Variants in PID1 observed in about 807,000 individuals in gnomAD.
The protein encoded by PID1 is phosphotyrosine interaction domain containing 1.
In PID1, 10 loss-of-function variants were observed where a neutral mutation model predicts 19.1. The ratio of observed to expected loss-of-function variants is 0.52; its 90% CI spans 0.32 to 0.89. The LOEUF (loss-of-function observed/expected upper bound fraction) is 0.89, where lower values mean the gene tolerates loss of function less well. Among genes scored for constraint, PID1 ranks in the 40% least tolerant of loss-of-function variants. The pLI is 0.03. For missense variants in PID1, 248 were observed against 285.3 expected (o/e 0.87, Z 0.94); for synonymous variants, 130 against 116.0 (o/e 1.12, Z -0.78).
At chr2:229,059,509 A>G (rs985566361) in intron 2 of PID1, among the ~76,000 whole-genome samples, 4 of 152,208 alleles carry the variant, frequency 2.6e-5, no homozygotes, top group African/African-American at 9.6e-5. Flanking sequence ...AGTATCAGAA[A>G]AGCAAACTGA....
At chr2:229,161,899 G>A (rs1690499365) in intron 1 of PID1, among the ~76,000 whole-genome samples, 1 of 152,160 alleles carries the variant, frequency 6.6e-6, no homozygotes. Context: ...TATTAGCCAT[G>A]TCAAAAACAG....
chr2:229,231,895 T>C lies in PID1; in HGVS notation c.30+39119A>G, dbSNP rs993249074. ...ACGAAATACCACAGAGTAGATAATTTATAAAAAAAAACAGAAATTGATTTT... is the reference window on the plus strand; with the variant it reads ...ACGAAATACCACAGAGTAGATAATTCATAAAAAAAAACAGAAATTGATTTT... On this transcript the variant is annotated intron_variant, in intron 1 of 2. Coordinates refer to ENST00000392055, the MANE Select transcript of PID1 (RefSeq NM_001100818.2). The C allele has an allele frequency of 2.6e-6, 4 of 1,549,450 alleles. No individual in the cohort carries two copies. In the Admixed American group the frequency reaches 7.9e-5, roughly 30 times the overall value.
chr2:229,031,953 A>G (rs1181050838), intron 2 of PID1, among the ~76,000 whole-genome samples: 1 of 152,184 alleles, frequency 6.6e-6, no homozygotes, highest in Non-Finnish European at 1.5e-5. Context: ...CTTTTTTCAA[A>G]AAGTGAACTT....
chr2:229,197,178 C>A (rs376865125), intron 1 of PID1, among the ~76,000 whole-genome samples: 1 of 151,992 alleles, frequency 6.6e-6, no homozygotes, highest in Non-Finnish European at 1.5e-5. Context: ...AAGCCACTTT[C>A]CATAACTGAG....
chr2:229,216,358 T>C (rs1691846068), intron 1 of PID1, among the ~76,000 whole-genome samples: 2 of 152,174 alleles, frequency 1.3e-5, no homozygotes, highest in East Asian at 1.9e-4. Context: ...AGTCTGCTTC[T>C]CACCTCCAAC....
chr2:229,183,157 A>G (rs1252899878), intron 1 of PID1, among the ~76,000 whole-genome samples: 1 of 152,210 alleles, frequency 6.6e-6, no homozygotes, highest in Non-Finnish European at 1.5e-5. Context: ...ATTTGAACAC[A>G]GAGACGCATG....
chr2:229,031,792 C>T (rs138225292), intron 2 of PID1, among the ~76,000 whole-genome samples: 2 of 152,260 alleles, frequency 1.3e-5, no homozygotes, highest in East Asian at 1.9e-4. Context: ...GCCCAAGTTC[C>T]GGAATCCTGA....
intron 2 of PID1, among the ~76,000 whole-genome samples, chr2:229,096,966 A>T (rs1471033672): frequency 1.3e-5 from 2 of 152,182 alleles, no homozygotes; most frequent in African/African-American, 4.8e-5. Flanking sequence ...AGAAAGCTCC[A>T]GCACTGGGAA....
chr2:229,024,058 G>T lies in PID1; in HGVS notation c.*1574C>A, dbSNP rs1413617623. 1.3e-5 allele frequency: 2 copies of T among 152,572 alleles called. No individual in the cohort carries two copies. Among genetic ancestry groups the T allele is most frequent in the East Asian group, 3.8e-4 (2 of 5,202 alleles). The allele number at this position is 152,572 out of a possible 1,614,324, so 9.5% of individuals were successfully genotyped here. A position where few individuals can be genotyped will look rare whatever the true frequency, so the allele number is the denominator to read the frequency against. ...TGCTAAAGAATAGCTTACATATGTT[G>T]TAAAGCAACAAGCATATCTTCAAGA... is the stretch of plus-strand genomic sequence containing the variant. On this transcript the variant is annotated 3_prime_UTR_variant, in exon 3 of 3. Coordinates refer to ENST00000392055, the MANE Select transcript of PID1 (RefSeq NM_001100818.2).
chr2:229,206,879 C>A (rs1356565732), intron 1 of PID1, among the ~76,000 whole-genome samples: 1 of 152,100 alleles, frequency 6.6e-6, no homozygotes, highest in Admixed American at 6.5e-5. Flanking sequence ...ATAGGAATCA[C>A]CGAGGGATTT....
rs535760534 is a variant in PID1, at chr2:229,027,114, C to T, written c.178-1006G>A. On this transcript the variant is annotated intron_variant, in intron 2 of 2. Coordinates refer to ENST00000392055, the MANE Select transcript of PID1 (RefSeq NM_001100818.2). Reference sequence around the variant, plus strand: ...AGACCAGAAGAGGGTCCGTGGAAACCGTGAGAACTGAGAGGGGACATTTGG... The same window carrying T: ...AGACCAGAAGAGGGTCCGTGGAAACTGTGAGAACTGAGAGGGGACATTTGG... Among the ~76,000 whole-genome samples, 4 of 152,172 alleles carry T rather than the reference C, an allele frequency of 2.6e-5. No homozygotes were observed. The East Asian group carries it at 5.8e-4, about 22-fold the overall frequency.
chr2:229,057,429 C>T (rs1694126270), intron 2 of PID1, among the ~76,000 whole-genome samples: 1 of 149,808 alleles, frequency 6.7e-6, no homozygotes, highest in Non-Finnish European at 1.5e-5. Flanking sequence ...GCACTCCAGC[C>T]TGAGCGACAG....
At chr2:229,270,177 A>T (rs1690698314) in intron 1 of PID1, among the ~76,000 whole-genome samples, 1 of 152,202 alleles carries the variant, frequency 6.6e-6, no homozygotes, top group Non-Finnish European at 1.5e-5. Context: ...CAAAAGTTTA[A>T]CTGCAGGATT....
chr2:229,085,223 T>TAA lies in PID1; in HGVS notation c.178-59117_178-59116dup, dbSNP rs200081184. The stretch of plus-strand genomic sequence containing the variant: ...CTCATCCTCATACTACATATACTTG[T>TAA]AAAAAAAAAAAAAAAAAGAGCAAGT... On this transcript the variant is annotated intron_variant, in intron 2 of 2. Transcript: ENST00000392055. Among the ~76,000 whole-genome samples the TAA allele has an allele frequency of 2.2e-4, 28 of 126,526 alleles. No individual in the cohort carries two copies. In the South Asian group the frequency reaches 5.4e-3, roughly 25 times the overall value. The allele number at this position is 126,526 out of a possible 152,430, so 83.0% of individuals were successfully genotyped here. A position where few individuals can be genotyped will look rare whatever the true frequency, so the allele number is the denominator to read the frequency against.
At chr2:229,207,218 A>G (rs1188891767) in intron 1 of PID1, among the ~76,000 whole-genome samples, 1 of 152,128 alleles carries the variant, frequency 6.6e-6, no homozygotes, top group African/African-American at 2.4e-5. Flanking sequence ...CTAGACAAAT[A>G]CTTGCATAAC....
At chr2:229,055,958 C>T (rs74871599) in intron 2 of PID1, among the ~76,000 whole-genome samples, 5,501 of 152,248 alleles carry the variant, frequency 0.036, 258 homozygotes, top group Admixed American at 0.11. Flanking sequence ...CAAGTGGACA[C>T]GGCTGACTGT....
chr2:229,114,592 T>C (rs4972887), intron 2 of PID1, among the ~76,000 whole-genome samples: 85,726 of 151,928 alleles, frequency 0.56, 24,996 homozygotes, highest in Admixed American at 0.65. Context: ...ATGCTAAGCA[T>C]GCCAAATGAC....
intron 2 of PID1, among the ~76,000 whole-genome samples, chr2:229,096,832 GTAA>G (rs1354143441): frequency 1.3e-5 from 2 of 152,142 alleles, no homozygotes; most frequent in Non-Finnish European, 2.9e-5. Flanking sequence ...ATGTGCCCTT[GTAA>G]TAATAACCCC....
At chr2:229,246,249 T>C (rs1460979664) in intron 1 of PID1, among the ~76,000 whole-genome samples, 1 of 152,206 alleles carries the variant, frequency 6.6e-6, no homozygotes, top group Non-Finnish European at 1.5e-5. Context: ...AAGGAAATGA[T>C]GCTTCAAACT....
Sources: allele counts gnomAD v4.1 joint callset (sites outside exome capture counted in the v4.1 genomes callset), GRCh38; gene constraint gnomAD v4.1.1; transcripts MANE v1.5; gene names NCBI Gene and HGNC (gene_info 2026-07-23, HGNC 2026-07-21).